The following ZER1 variants were observed in gnomAD, a reference collection of about 807,000 sequenced individuals.
The protein encoded by ZER1 is protein zer-1 homolog.
A neutral mutation model predicts 78.8 loss-of-function variants in ZER1; 11 were observed. That is an observed-to-expected ratio of 0.14 (90% CI 0.09 to 0.23). ZER1 has a LOEUF of 0.23. Ranked by LOEUF, ZER1 falls within the 10% of genes least tolerant of loss-of-function variation. The probability of loss-of-function intolerance (pLI) is 1.00; values close to 1 mark genes in which losing one functional copy is unlikely to be tolerated. For synonymous variants in ZER1, 400 were observed against 407.0 expected, an observed-to-expected ratio of 0.98 and a Z score of 0.21; for missense variants, 588 against 996.9, an observed-to-expected ratio of 0.59 and a Z score of 5.52.
rs1195537604 is a variant in ZER1 at position 128,771,619 on chromosome 9, G to A, written c.-133C>T. The stretch of plus-strand genomic sequence containing the variant: ...GCCCTCAGCGTCGGGAAGCGGACGT[G>A]ATGCTTCGCAGGCGAGGAGGAGCAG... On this transcript the variant is annotated 5_prime_UTR_variant, in exon 1 of 16. Coordinates refer to ENST00000291900, the MANE Select transcript of ZER1 (RefSeq NM_006336.4). 1 of 152,568 alleles carries A rather than the reference G, an allele frequency of 6.6e-6. No homozygotes were observed. The highest frequency in any genetic ancestry group is 1.9e-4 in the East Asian group (1 of 5,196). 9.5% of individuals were successfully genotyped at this position (152,568 alleles called of 1,614,324 possible).
chr9:128,730,363 G>T lies in ZER1; in HGVS notation c.*974C>A. 6.5e-6 allele frequency: 1 copy of T among 153,584 alleles called. No individual in the cohort carries two copies. 9.5% of individuals were successfully genotyped at this position (153,584 alleles called of 1,614,324 possible). On this transcript the variant is annotated 3_prime_UTR_variant, in exon 16 of 16. Coordinates refer to ENST00000291900, the MANE Select transcript of ZER1 (RefSeq NM_006336.4). ...CCGTTGTGGGTCAAAGGCTGTCATGGGACCTCTGCCTCTGAGAGGCGTGGG... is the reference window on the plus strand; with the variant it reads ...CCGTTGTGGGTCAAAGGCTGTCATGTGACCTCTGCCTCTGAGAGGCGTGGG...
chr9:128,737,025 T>C (rs2132397219), intron 13 of ZER1, among the ~76,000 whole-genome samples: 1 of 152,038 alleles, frequency 6.6e-6, no homozygotes, highest in Non-Finnish European at 1.5e-5. Flanking sequence ...GCACCTGTAA[T>C]CCCAGCTACT....
intron 8 of ZER1, among the ~76,000 whole-genome samples, chr9:128,748,350 C>T (rs1451104745): frequency 2.7e-5 from 4 of 149,026 alleles, no homozygotes; most frequent in South Asian, 4.3e-4. Flanking sequence ...TGCAGTGAGC[C>T]GAGATCGTGC....
intron 1 of ZER1, among the ~76,000 whole-genome samples, chr9:128,769,282 C>T (rs918937438): frequency 6.6e-6 from 1 of 152,256 alleles, no homozygotes; most frequent in African/African-American, 2.4e-5. Context: ...TGCCCACATT[C>T]CTCATCATCA....
rs74737945 is a variant in ZER1 at position 128,757,032 on chromosome 9, A to C, written c.-94-1373T>G. ...TAAACTTATCTACACCAAAGCAAAG[A>C]AACTTCTGTTCATGCATACACAAAA... On this transcript the variant is annotated intron_variant, in intron 1 of 15. Transcript: ENST00000291900. Among the ~76,000 whole-genome samples, 1,110 of 152,318 alleles carry C rather than the reference A, an allele frequency of 7.3e-3. 16 individuals are homozygous for C. Among genetic ancestry groups the C allele is most frequent in the African/African-American group, 0.021 (865 of 41,574 alleles).
intron 8 of ZER1, among the ~76,000 whole-genome samples, chr9:128,748,640 C>T (rs939061727): frequency 2.6e-5 from 4 of 151,780 alleles, no homozygotes; most frequent in African/African-American, 9.7e-5. Flanking sequence ...GGCTTGATCT[C>T]AGCTCACTGC....
rs1345705537 is a variant in ZER1, at chr9:128,755,501, T to A, written c.65A>T (p.Asp22Val). ...LCTDFCLRNL[D>V]GTLGYLLDKE... The stretch of plus-strand genomic sequence containing the variant: ...GTCCAGCAGGTAGCCCAGGGTGCCA[T>A]CCAGGTTGCGCAAGCAGAAGTCAGT... The change falls in exon 2 of 16, where the codon GAT becomes GTT. Residue 22 changes from aspartate to valine, a missense_variant. Around this residue, in one of 3 missense-constraint regions of ZER1, gnomAD observed 406 missense variants for 660.1 expected, o/e 0.62. Coordinates refer to ENST00000291900, the MANE Select transcript of ZER1 (RefSeq NM_006336.4). The surrounding 1 kb of genome is among the most constrained non-coding windows in gnomAD (Gnocchi z 5.6). 6 of 1,613,628 alleles carry A rather than the reference T, an allele frequency of 3.7e-6. No homozygotes were observed. In the Admixed American group the frequency reaches 1.0e-4, roughly 27 times the overall value.
intron 1 of ZER1, among the ~76,000 whole-genome samples, chr9:128,763,014 G>T (rs1864096710): frequency 6.6e-6 from 1 of 152,146 alleles, no homozygotes; most frequent in South Asian, 2.1e-4. Flanking sequence ...ACTCCAGCCA[G>T]CCTGGCCTCA....
At chr9:128,761,085 G>A (rs1864027468) in intron 1 of ZER1, among the ~76,000 whole-genome samples, 1 of 149,504 alleles carries the variant, frequency 6.7e-6, no homozygotes, top group African/African-American at 2.5e-5. Context: ...GTGAACCCGG[G>A]AGGCGGAGCT....
chr9:128,760,312 C>T (rs933101864), intron 1 of ZER1, among the ~76,000 whole-genome samples: 30 of 152,262 alleles, frequency 2.0e-4, no homozygotes, highest in African/African-American at 7.2e-4. Context: ...AAGCGATTCT[C>T]CTGCCCCAGC....
chr9:128,747,546 G>A (rs1366180395), intron 8 of ZER1, among the ~76,000 whole-genome samples: 1 of 152,126 alleles, frequency 6.6e-6, no homozygotes, highest in Non-Finnish European at 1.5e-5. Context: ...AGTGGCTTTC[G>A]CTCTATTTAA....
At chr9:128,736,017 C>T (rs1397668614) in intron 13 of ZER1, among the ~76,000 whole-genome samples, 2 of 151,688 alleles carry the variant, frequency 1.3e-5, no homozygotes, top group Non-Finnish European at 2.9e-5. Context: ...GGCATGATCT[C>T]GGCTCACTGC....
At chr9:128,763,319 C>T (rs1160367314) in intron 1 of ZER1, among the ~76,000 whole-genome samples, 1 of 152,156 alleles carries the variant, frequency 6.6e-6, no homozygotes, top group African/African-American at 2.4e-5. Flanking sequence ...CCAGGGTGTG[C>T]CTGCTGAGTC....
intron 1 of ZER1, among the ~76,000 whole-genome samples, chr9:128,761,476 G>A (rs1254145113): frequency 2.6e-5 from 4 of 151,836 alleles, no homozygotes; most frequent in African/African-American, 9.7e-5. Flanking sequence ...TAGTAGAGAC[G>A]GGGTTTTGCT....
At position 128,755,991 on chromosome 9, in the gene ZER1, A is replaced by C. The variant is rs374689099; in HGVS notation, c.-94-332T>G. On this transcript the variant is annotated intron_variant, in intron 1 of 15. Coordinates refer to ENST00000291900, the MANE Select transcript of ZER1 (RefSeq NM_006336.4). The surrounding 1 kb of genome is among the most constrained non-coding windows in gnomAD (Gnocchi z 5.6). ...CTGAAGAGCTACACTGGGGTGTTCCATGCTGTGCAGTACTTCCTAACCTGT... is the reference window on the plus strand; with the variant it reads ...CTGAAGAGCTACACTGGGGTGTTCCCTGCTGTGCAGTACTTCCTAACCTGT... Among the ~76,000 whole-genome samples, 3 of 152,326 alleles carry C rather than the reference A, an allele frequency of 2.0e-5. No individual in the cohort carries two copies. The East Asian group carries it at 5.8e-4, about 29-fold the overall frequency.
rs1156964344 is a variant in ZER1 at position 128,771,734 on chromosome 9, G to A, written c.-248C>T. ...GAGCCGGGGTCCAGGGGAGACGGGG[G>A]TCGGCGGGGCGGAGCTTGGGATCCC... On this transcript the variant is annotated 5_prime_UTR_variant, in exon 1 of 16. Transcript: ENST00000291900. 1 of 152,352 alleles carries A rather than the reference G, an allele frequency of 6.6e-6. No homozygotes were observed. The highest frequency in any genetic ancestry group is 1.5e-5 in the Non-Finnish European group (1 of 68,152). 9.4% of individuals were successfully genotyped at this position (152,352 alleles called of 1,614,324 possible).
chr9:128,737,497 C>A (rs1863126646), intron 13 of ZER1, among the ~76,000 whole-genome samples: 3 of 152,172 alleles, frequency 2.0e-5, no homozygotes, highest in African/African-American at 7.2e-5. Flanking sequence ...TACAGGATGG[C>A]ACAAAGAAAG....
chr9:128,741,747 G>A, intron 10 of ZER1, 53 bp downstream of exon 10: 1 of 1,614,116 alleles, frequency 6.2e-7, no homozygotes, highest in Non-Finnish European at 8.5e-7. Flanking sequence ...GGCAGCCCAG[G>A]CCCCTTGCGA....
chr9:128,755,543 G>A lies in ZER1; in HGVS notation c.23C>T (p.Ser8Leu). ...GAAGTCAGTACAGAGGGCCATCAGC[G>A]ACTCGGGAGTGTCGGACGCCATGCT... is the stretch of plus-strand genomic sequence containing the variant. MASDTPE[S>L]LMALCTDFCL... Residue 8 changes from serine (S) to leucine (L), a missense_variant, in exon 2 of 16, where the codon TCG becomes TTG. Physicochemically the swap from Ser to Leu is moderately radical, Grantham distance 145. Transcript: ENST00000291900. The surrounding 1 kb of genome is among the most constrained non-coding windows in gnomAD (Gnocchi z 5.6). 2 of 1,613,444 alleles carry A rather than the reference G, an allele frequency of 1.2e-6. No individual in the cohort carries two copies. Among genetic ancestry groups the A allele is most frequent in the Non-Finnish European group, 1.7e-6 (2 of 1,179,500 alleles).
Sources: allele counts gnomAD v4.1 joint callset (sites outside exome capture counted in the v4.1 genomes callset), GRCh38; gene constraint gnomAD v4.1.1; regional missense constraint gnomAD v4.1.1; non-coding constraint Gnocchi (gnomAD v3.1); transcripts MANE v1.5; gene names NCBI Gene and HGNC (gene_info 2026-07-23, HGNC 2026-07-21).